Variants in ZNF804B observed in about 807,000 individuals in gnomAD.
The protein encoded by ZNF804B is zinc finger protein 804B, also known as zinc finger 804B.
A neutral mutation model predicts 101.4 loss-of-function variants in ZNF804B; 80 were observed. The ratio of observed to expected loss-of-function variants is 0.79; its 90% CI spans 0.66 to 0.95. ZNF804B has a LOEUF of 0.95. ZNF804B is among the 40% of genes least tolerant of loss of function. ZNF804B has a pLI of 0.00. For missense variants in ZNF804B, 1,673 were observed against 1,561.9 expected (o/e 1.07, Z -1.20); for synonymous variants, 622 against 558.8 (o/e 1.11, Z -1.59).
chr7:89,098,835 G>A (rs1790009544), intron 1 of ZNF804B, among the ~76,000 whole-genome samples: 1 of 151,310 alleles, frequency 6.6e-6, no homozygotes, highest in African/African-American at 2.4e-5. Context: ...AAGTTAATAT[G>A]CATTTATTTG....
At chr7:89,006,306 T>C (rs1161652502) in intron 1 of ZNF804B, among the ~76,000 whole-genome samples, 1 of 152,104 alleles carries the variant, frequency 6.6e-6, no homozygotes, top group Non-Finnish European at 1.5e-5. Context: ...ATTCCATGTA[T>C]TTGGAAGGTA....
intron 1 of ZNF804B, among the ~76,000 whole-genome samples, chr7:88,883,068 A>T (rs1792067111): frequency 6.6e-6 from 1 of 152,130 alleles, no homozygotes; most frequent in Non-Finnish European, 1.5e-5. Flanking sequence ...TTCTACAAAA[A>T]TAGAAGAAAA....
At chr7:89,147,462 G>T (rs7777447) in intron 1 of ZNF804B, among the ~76,000 whole-genome samples, 61,973 of 151,908 alleles carry the variant, frequency 0.41, 12,716 homozygotes, top group Middle Eastern at 0.53. Flanking sequence ...TTGTTTTCAT[G>T]TTGAATTAAA....
intron 1 of ZNF804B, among the ~76,000 whole-genome samples, chr7:88,919,439 T>A (rs1220725132): frequency 6.6e-6 from 1 of 152,092 alleles, no homozygotes; most frequent in Non-Finnish European, 1.5e-5. Flanking sequence ...AAGGAGCCTA[T>A]ACATTGAGAG....
chr7:88,788,581 G>GT (rs1790336379), intron 1 of ZNF804B, among the ~76,000 whole-genome samples: 1 of 152,172 alleles, frequency 6.6e-6, no homozygotes, highest in East Asian at 1.9e-4. Context: ...TTGTTTATTT[G>GT]TTTTTTGTTT....
In ZNF804B at chr7:89,336,984, G is replaced by T; in HGVS notation, c.4002G>T (p.Gln1334His). 1 of 1,614,040 alleles carries T rather than the reference G, an allele frequency of 6.2e-7. No individual in the cohort carries two copies. The highest frequency in any genetic ancestry group is 8.5e-7 in the Non-Finnish European group (1 of 1,179,970). ...ATTCTTGCTCTAGCCAGATGCAACA[G>T]CTAAATGAAGTGAAAGAGGCCTTAA... is the stretch of plus-strand genomic sequence containing the variant. The part of the protein sequence containing the change: ...CHHSCSSQMQ[Q>H]LNEVKEALNV... The change falls in exon 4 of 4, where the codon CAG (glutamine) becomes CAT (histidine). Residue 1334 changes from glutamine to histidine, a missense_variant. By Grantham distance (24) the Gln-to-His change is conservative. Transcript: ENST00000333190.
intron 2 of ZNF804B, among the ~76,000 whole-genome samples, chr7:89,295,925 A>G (rs1584110635): frequency 2.6e-5 from 4 of 152,244 alleles, no homozygotes; most frequent in Admixed American, 2.6e-4. Flanking sequence ...AACTGTTCTC[A>G]CTTATAAGTG....
intron 1 of ZNF804B, among the ~76,000 whole-genome samples, chr7:88,797,872 G>T (rs1051387608): frequency 5.3e-5 from 8 of 152,070 alleles, no homozygotes; most frequent in Admixed American, 2.0e-4. Flanking sequence ...CACAGCAAAT[G>T]AGAGTGATGT....
chr7:89,115,824 G>T (rs554381636), intron 1 of ZNF804B, among the ~76,000 whole-genome samples: 1 of 151,900 alleles, frequency 6.6e-6, no homozygotes, highest in South Asian at 2.1e-4. Flanking sequence ...GGAGAATCAA[G>T]ATTTTGCCTC....
chr7:88,827,094 A>G (rs967480876), intron 1 of ZNF804B, among the ~76,000 whole-genome samples: 5 of 152,096 alleles, frequency 3.3e-5, no homozygotes. Flanking sequence ...TTGCTCAAAA[A>G]TGGGCACTGT....
intron 2 of ZNF804B, among the ~76,000 whole-genome samples, chr7:89,243,849 A>G (rs1328246659): frequency 2.0e-5 from 3 of 152,054 alleles, no homozygotes; most frequent in Admixed American, 2.0e-4. Context: ...AATAAACACT[A>G]TAAATGTAAA....
intron 2 of ZNF804B, among the ~76,000 whole-genome samples, chr7:89,273,289 C>G (rs1206956596): frequency 6.6e-6 from 1 of 151,990 alleles, no homozygotes; most frequent in Non-Finnish European, 1.5e-5. Context: ...AAATGAAAAC[C>G]ATGCCAAGCT....
chr7:88,984,150 C>T (rs1295392300), intron 1 of ZNF804B, among the ~76,000 whole-genome samples: 3 of 152,084 alleles, frequency 2.0e-5, no homozygotes, highest in African/African-American at 7.2e-5. Flanking sequence ...ATGCAGCCTT[C>T]ACTCTAGCAC....
intron 3 of ZNF804B, among the ~76,000 whole-genome samples, chr7:89,332,911 A>G (rs970476015): frequency 3.3e-5 from 5 of 151,868 alleles, no homozygotes; most frequent in Non-Finnish European, 7.4e-5. Context: ...GGAGCTAAAC[A>G]TTATAAAATG....
rs184215772 is a variant in ZNF804B at position 89,253,498 on chromosome 7, C to A, written c.249+35203C>A. Among the ~76,000 whole-genome samples the A allele has an allele frequency of 1.8e-3, 281 of 152,102 alleles. 5 individuals carry two copies. Among genetic ancestry groups the A allele is most frequent in the Admixed American group, 0.017 (266 of 15,282 alleles). On this transcript the variant is annotated intron_variant, in intron 2 of 3. Coordinates refer to ENST00000333190, the MANE Select transcript of ZNF804B (RefSeq NM_181646.5). ...AACATATATATGAAATGAATACATTCTCATAAAAATTGATTTCACCGAAAC... is the reference window on the plus strand; with the variant it reads ...AACATATATATGAAATGAATACATTATCATAAAAATTGATTTCACCGAAAC...
chr7:89,095,991 A>T (rs1789966161), intron 1 of ZNF804B, among the ~76,000 whole-genome samples: 1 of 151,908 alleles, frequency 6.6e-6, no homozygotes, highest in South Asian at 2.1e-4. Context: ...CTCTACTAAA[A>T]ATATAAAAAA....
At chr7:89,267,260 G>T (rs1460712806) in intron 2 of ZNF804B, among the ~76,000 whole-genome samples, 1 of 151,844 alleles carries the variant, frequency 6.6e-6, no homozygotes, top group African/African-American at 2.4e-5. Context: ...TCTCTCCTTT[G>T]TGAACTTGCT....
intron 1 of ZNF804B, among the ~76,000 whole-genome samples, chr7:88,872,130 G>A (rs1269786860): frequency 3.3e-5 from 5 of 152,176 alleles, no homozygotes; most frequent in African/African-American, 7.2e-5. Flanking sequence ...TGTCTCAGGG[G>A]AACTTAACTG....
At chr7:89,078,796 A>T (rs1369835619) in intron 1 of ZNF804B, among the ~76,000 whole-genome samples, 1 of 151,978 alleles carries the variant, frequency 6.6e-6, no homozygotes, top group East Asian at 1.9e-4. Context: ...GAGAAATACA[A>T]TTGGTCTTTC....
Sources: allele counts gnomAD v4.1 joint callset (sites outside exome capture counted in the v4.1 genomes callset), GRCh38; gene constraint gnomAD v4.1.1; transcripts MANE v1.5; gene names NCBI Gene and HGNC (gene_info 2026-07-23, HGNC 2026-07-21).